The following GSG1L variants were observed in gnomAD, a reference collection of about 807,000 sequenced individuals.
GSG1L encodes the protein germ cell-specific gene 1-like protein.
In GSG1L, 24 loss-of-function variants were observed where a neutral mutation model predicts 42.1. The ratio of observed to expected loss-of-function variants is 0.57; its 90% CI spans 0.41 to 0.80. The LOEUF (loss-of-function observed/expected upper bound fraction) is 0.80. GSG1L is among the 30% of genes least tolerant of loss of function. The probability of loss-of-function intolerance (pLI) is 0.00; values close to 1 mark genes in which losing one functional copy is unlikely to be tolerated. For synonymous variants in GSG1L, 215 were observed against 203.5 expected, an observed-to-expected ratio of 1.06 and a Z score of -0.48; for missense variants, 445 against 472.2, an observed-to-expected ratio of 0.94 and a Z score of 0.53.
At chr16:28,004,474 G>GAA (rs34685470) in intron 1 of GSG1L, among the ~76,000 whole-genome samples, 4 of 137,248 alleles carry the variant, frequency 2.9e-5, no homozygotes, top group African/African-American at 2.7e-5. Context: ...AGTGAGTGAG[G>GAA]AAAAAAAAAA....
chr16:27,909,890 G>T (rs368357483), intron 2 of GSG1L, among the ~76,000 whole-genome samples: 1 of 150,986 alleles, frequency 6.6e-6, no homozygotes, highest in Non-Finnish European at 1.5e-5. Context: ...GAACATCAAG[G>T]TTCGGGGAAG....
At chr16:27,830,919 A>G (rs1216956730) in intron 4 of GSG1L, among the ~76,000 whole-genome samples, 1 of 152,086 alleles carries the variant, frequency 6.6e-6, no homozygotes, top group Non-Finnish European at 1.5e-5. Context: ...TGGTAACCAC[A>G]CTCCAATTCT....
intron 1 of GSG1L, among the ~76,000 whole-genome samples, chr16:27,988,241 T>C (rs2085410707): frequency 6.6e-6 from 1 of 151,890 alleles, no homozygotes; most frequent in Non-Finnish European, 1.5e-5. Flanking sequence ...AATTACTTAC[T>C]TCCTGGGTTT....
intron 1 of GSG1L, among the ~76,000 whole-genome samples, chr16:28,024,523 G>T (rs940526941): frequency 5.9e-5 from 9 of 152,178 alleles, no homozygotes; most frequent in African/African-American, 2.2e-4. Flanking sequence ...CAGCGGGAGA[G>T]AATTGCTGGG....
chr16:27,896,822 T>C (rs954490276), intron 2 of GSG1L, among the ~76,000 whole-genome samples: 2 of 152,178 alleles, frequency 1.3e-5, no homozygotes, highest in African/African-American at 4.8e-5. Context: ...CCCTTGAACC[T>C]CCAGAAAGGA....
chr16:27,867,608 C>T (rs1042032014), intron 3 of GSG1L, among the ~76,000 whole-genome samples: 13 of 152,244 alleles, frequency 8.5e-5, no homozygotes, highest in African/African-American at 3.1e-4. Flanking sequence ...GGAGCTCAGC[C>T]TTTCCCCTAC....
intron 2 of GSG1L, among the ~76,000 whole-genome samples, chr16:27,902,828 A>G (rs1056954011): frequency 3.9e-5 from 6 of 152,244 alleles, no homozygotes; most frequent in African/African-American, 1.4e-4. Flanking sequence ...TTAGTGACAC[A>G]TGCGGGAACA....
intron 1 of GSG1L, among the ~76,000 whole-genome samples, chr16:27,979,692 AAGGAAG>A (rs2085297857): frequency 2.5e-5 from 1 of 40,304 alleles, no homozygotes; most frequent in African/African-American, 1.0e-4. Context: ...AGAAAGAAGG[AAGGAAG>A]GAAGGAAGGA....
At chr16:27,951,216 C>T (rs1280547421) in intron 2 of GSG1L, among the ~76,000 whole-genome samples, 6 of 152,162 alleles carry the variant, frequency 3.9e-5, no homozygotes, top group African/African-American at 1.4e-4. Flanking sequence ...AATGGCCAGG[C>T]ATCATAGGAA....
chr16:27,967,020 C>A (rs759944854), intron 1 of GSG1L, among the ~76,000 whole-genome samples: 1 of 152,096 alleles, frequency 6.6e-6, no homozygotes, highest in Non-Finnish European at 1.5e-5. Flanking sequence ...ATGGCCCCTG[C>A]GACACTAGAC....
chr16:28,018,260 A>T (rs1170636536), intron 1 of GSG1L, among the ~76,000 whole-genome samples: 1 of 152,234 alleles, frequency 6.6e-6, no homozygotes, highest in African/African-American at 2.4e-5. Context: ...GTTCTGTCTC[A>T]TAACAAGAAG....
rs1019597457 is a variant in GSG1L at position 27,849,434 on chromosome 16, G to A, written c.551-4373C>T. Among the ~76,000 whole-genome samples the A allele has an allele frequency of 3.3e-5, 5 of 152,328 alleles. No homozygotes were observed. The South Asian group carries it at 1.0e-3, about 32-fold the overall frequency. On this transcript the variant is annotated intron_variant, in intron 3 of 6. Coordinates refer to ENST00000447459, the MANE Select transcript of GSG1L (RefSeq NM_001109763.2). ...TGTGTGGAGACAGTGATTGTAAGGG[G>A]AGGAGGTAAGCCCGGCTGACAGGCT...
intron 1 of GSG1L, among the ~76,000 whole-genome samples, chr16:28,020,403 T>C (rs1462500818): frequency 2.0e-5 from 3 of 152,244 alleles, no homozygotes; most frequent in Non-Finnish European, 4.4e-5. Flanking sequence ...GAAGGGGATG[T>C]GTCTGGCAGC....
At chr16:27,836,434 C>T (rs1485307459) in intron 4 of GSG1L, among the ~76,000 whole-genome samples, 1 of 152,032 alleles carries the variant, frequency 6.6e-6, no homozygotes, top group Non-Finnish European at 1.5e-5. Flanking sequence ...GCCATTATTT[C>T]TTTCAGTACT....
chr16:27,963,542 C>T (rs190708559), intron 1 of GSG1L, among the ~76,000 whole-genome samples: 5 of 152,300 alleles, frequency 3.3e-5, no homozygotes, highest in South Asian at 2.1e-4. Context: ...TCATTCTCCA[C>T]GCTGCAGCTG....
intron 3 of GSG1L, among the ~76,000 whole-genome samples, chr16:27,863,534 C>A (rs1450424594): frequency 6.6e-6 from 1 of 152,096 alleles, no homozygotes; most frequent in Non-Finnish European, 1.5e-5. Flanking sequence ...AGAGTTCTAA[C>A]TTTTAACTGA....
chr16:28,033,622 G>A (rs912355859), intron 1 of GSG1L, among the ~76,000 whole-genome samples: 1 of 152,008 alleles, frequency 6.6e-6, no homozygotes, highest in African/African-American at 2.4e-5. Flanking sequence ...CTCCTAAAGA[G>A]GTCATGCAAC....
intron 3 of GSG1L, among the ~76,000 whole-genome samples, chr16:27,846,956 C>CAA (rs5816450): frequency 0.29 from 32,903 of 113,084 alleles, 4,731 homozygotes; most frequent in East Asian, 0.43. Flanking sequence ...GACTCCGTCT[C>CAA]AAAAAAAAAA....
rs190432459 is a variant in GSG1L, at chr16:27,880,960, C to A, written c.550+3526G>T. On this transcript the variant is annotated intron_variant, in intron 3 of 6. Coordinates refer to ENST00000447459, the MANE Select transcript of GSG1L (RefSeq NM_001109763.2). ...ACAGACTGATCATCTCCCCTCCAGC[C>A]CCTTCCACTTCTTCCCTATCTTGGT... Among the ~76,000 whole-genome samples, 452 of 151,940 alleles carry A rather than the reference C, an allele frequency of 3.0e-3. 2 individuals are homozygous for A. The highest frequency in any genetic ancestry group is 0.01 in the African/African-American group (424 of 41,448).
Sources: gnomAD v4.1 joint callset for allele counts (sites outside exome capture counted in the v4.1 genomes callset) on GRCh38, gnomAD v4.1.1 for gene constraint, MANE v1.5 for transcripts, NCBI Gene and HGNC (gene_info 2026-07-23, HGNC 2026-07-21) for gene names.